DDX17: variants seen among roughly 807,000 people sequenced by gnomAD.
DDX17 encodes probable ATP-dependent RNA helicase DDX17.
In DDX17, 10 loss-of-function variants were observed where a neutral mutation model predicts 80.8. The observed-to-expected ratio is 0.12, with a 90% CI of 0.08 to 0.21. The LOEUF (loss-of-function observed/expected upper bound fraction) is 0.21. DDX17 is among the 10% of genes least tolerant of loss of function. The pLI is 1.00. For missense variants in DDX17, 586 were observed against 957.4 expected (o/e 0.61, Z 5.12); for synonymous variants, 339 against 336.2 (o/e 1.01, Z -0.09).
At chr22:38,486,519 A>G in intron 12 of DDX17, 79 bp from the exon 13 acceptor site, 2 of 1,455,154 alleles carry the variant, frequency 1.4e-6, no homozygotes, top group Middle Eastern at 1.9e-4. Context: ...TACTGGGTAC[A>G]AAAGTATTAA....
intron 3 of DDX17, among the ~76,000 whole-genome samples, 180 bp downstream of exon 3, chr22:38,499,220 A>G (rs899229667): frequency 1.3e-5 from 2 of 152,232 alleles, no homozygotes; most frequent in African/African-American, 4.8e-5. Flanking sequence ...AAAAACCTCA[A>G]AAAAACAAAA....
intron 8 of DDX17, 165 bp from the exon 9 acceptor site, chr22:38,494,296 G>C: frequency 1.6e-6 from 1 of 607,514 alleles, no homozygotes; most frequent in Non-Finnish European, 2.9e-6. Flanking sequence ...ATGTGCTCAA[G>C]AAATACTAAC....
intron 1 of DDX17, among the ~76,000 whole-genome samples, chr22:38,503,130 T>C (rs1008205455): frequency 6.6e-6 from 1 of 152,136 alleles, no homozygotes; most frequent in Admixed American, 6.6e-5. Context: ...GCACATAGCA[T>C]AGGGATACCC....
intron 1 of DDX17, among the ~76,000 whole-genome samples, chr22:38,504,428 G>T (rs2145714563): frequency 6.6e-6 from 1 of 152,224 alleles, no homozygotes; most frequent in South Asian, 2.1e-4. Context: ...ATTTCTCTAG[G>T]CATTACAGTC....
Position 38,484,074 on chromosome 22 carries a change from AAAG to A in DDX17, c.*1858_*1860del, listed in dbSNP as rs775407022. ...TGTGGTGGTACCTCTATGTTTAAAG[AAAG>A]AAGAAAAAAACCCAGAATTTGGTTG... On this transcript the variant is annotated 3_prime_UTR_variant, in exon 13 of 13. Coordinates refer to ENST00000403230, the MANE Select transcript of DDX17 (RefSeq NM_006386.5). 7 of 143,556 alleles carry A rather than the reference AAAG, an allele frequency of 4.9e-5. No homozygotes were observed. The highest frequency in any genetic ancestry group is 2.2e-4 in the East Asian group (1 of 4,600). 8.9% of individuals were successfully genotyped at this position (143,556 alleles called of 1,614,324 possible). A position where few individuals can be genotyped will look rare whatever the true frequency, so the allele number is the denominator to read the frequency against.
rs1479771650 is a variant in DDX17 at position 38,494,974 on chromosome 22, C to T, written c.953G>A (p.Arg318Gln). ...TTCGTCCAATACAAGGTAAGTACAT[C>T]GGCGAAGATTTGTCTTTCCTGACTC... is the stretch of plus-strand genomic sequence containing the variant. The change falls in exon 7 of 13, where the codon CGA becomes CAA. Residue 318 changes from arginine (R) to glutamine (Q), a missense_variant. Arg to Gln is a conservative substitution (Grantham distance 43, BLOSUM62 1). Transcript: ENST00000403230. The T allele has an allele frequency of 1.2e-6, 2 of 1,614,182 alleles. No individual in the cohort carries two copies. The highest frequency in any genetic ancestry group is 1.7e-5 in the Admixed American group (1 of 60,018).
intron 10 of DDX17, among the ~76,000 whole-genome samples, chr22:38,492,397 C>A (rs989152427): frequency 7.2e-5 from 11 of 152,168 alleles, no homozygotes; most frequent in Non-Finnish European, 1.3e-4. Context: ...TGAGACACAA[C>A]CAAAAGTTGG....
At chr22:38,490,258 T>C in intron 11 of DDX17, 1 of 1,248,888 alleles carries the variant, frequency 8.0e-7, no homozygotes, top group Non-Finnish European at 1.0e-6. Context: ...AGTTAATGTT[T>C]TGGCCAGCTG....
intron 11 of DDX17, chr22:38,490,474 A>G (rs1220499510): frequency 7.8e-7 from 1 of 1,284,004 alleles, no homozygotes. Context: ...CAATACTTTT[A>G]GTTTAACAGT....
In DDX17 at chr22:38,499,456, C is replaced by A; in HGVS notation, c.482G>T (p.Arg161Met). ...GGGTTTAGGACAAACATCTCCCCCC[C>A]TCACTGTAATCTCCTTCTTTCGGCG... The change falls in exon 3 of 13, where the codon AGG becomes ATG. Residue 161 changes from arginine (R) to methionine (M), a missense_variant. Arg to Met is a moderately conservative substitution (Grantham distance 91, BLOSUM62 -1). This residue lies in a region of DDX17 where 215 missense variants were observed against 238.4 expected (regional missense o/e 0.90). Coordinates refer to ENST00000403230, the MANE Select transcript of DDX17 (RefSeq NM_006386.5). 6.2e-7 allele frequency: 1 copy of A among 1,614,144 alleles called. No homozygotes were observed. The highest frequency in any genetic ancestry group is 8.5e-7 in the Non-Finnish European group (1 of 1,180,006).
intron 11 of DDX17, chr22:38,490,447 AC>A (rs2089702175): frequency 3.1e-6 from 4 of 1,289,302 alleles, no homozygotes; most frequent in Non-Finnish European, 2.0e-6. Flanking sequence ...CTGTTAAAAA[AC>A]AAAACAAAAT....
chr22:38,487,780 T>C, intron 12 of DDX17, 99 bp downstream of exon 12: 1 of 1,241,840 alleles, frequency 8.1e-7, no homozygotes, highest in Non-Finnish European at 1.2e-6. Context: ...TTAAGCAACA[T>C]ACTTACAGCC....
At position 38,486,104 on chromosome 22, in the gene DDX17, C is replaced by G; in HGVS notation, c.2021G>C (p.Ser674Thr). 1.2e-6 allele frequency: 2 copies of G among 1,614,160 alleles called. No individual in the cohort carries two copies. Among genetic ancestry groups the G allele is most frequent in the Non-Finnish European group, 1.7e-6 (2 of 1,180,032 alleles). ...TATCCCACTAAACTGCTGGCTAGAGCTCTGTGAACTTCTCCCAGTTGAGGT... is the reference window on the plus strand; with the variant it reads ...TATCCCACTAAACTGCTGGCTAGAGGTCTGTGAACTTCTCCCAGTTGAGGT... The change falls in exon 13 of 13, where the codon AGC (serine) becomes ACC (threonine). Residue 674 changes from serine to threonine, a missense_variant. Coordinates refer to ENST00000403230, the MANE Select transcript of DDX17 (RefSeq NM_006386.5).
intron 1 of DDX17, among the ~76,000 whole-genome samples, chr22:38,501,891 A>G (rs991701157): frequency 6.6e-6 from 1 of 152,254 alleles, no homozygotes; most frequent in African/African-American, 2.4e-5. Context: ...TGTGTAACAG[A>G]CATGCAGGCA....
intron 1 of DDX17, among the ~76,000 whole-genome samples, 198 bp from the exon 2 acceptor site, chr22:38,501,478 T>C (rs755303847): frequency 2.0e-5 from 3 of 152,212 alleles, no homozygotes; most frequent in Non-Finnish European, 2.9e-5. Flanking sequence ...ATACTGTTTA[T>C]GAATATAGCT....
chr22:38,502,718 A>G (rs979776587), intron 1 of DDX17, among the ~76,000 whole-genome samples: 8 of 152,184 alleles, frequency 5.3e-5, no homozygotes, highest in Non-Finnish European at 1.2e-4. Flanking sequence ...GATGGCCTTA[A>G]TTTTCCCTAT....
intron 1 of DDX17, among the ~76,000 whole-genome samples, chr22:38,501,576 G>C (rs1299723650): frequency 1.3e-5 from 2 of 152,152 alleles, no homozygotes; most frequent in African/African-American, 2.4e-5. Flanking sequence ...GACATGGTTT[G>C]AGTTTTTATT....
At chr22:38,487,097 G>A (rs2089667273) in intron 12 of DDX17, among the ~76,000 whole-genome samples, 1 of 152,150 alleles carries the variant, frequency 6.6e-6, no homozygotes, top group Non-Finnish European at 1.5e-5. Flanking sequence ...GAACCCAGGA[G>A]GCAGAGGTTG....
In DDX17 at chr22:38,487,755, C is replaced by T. The variant is rs114385392; in HGVS notation, c.1684+124G>A. 4.9e-4 allele frequency: 444 copies of T among 915,176 alleles called. 2 individuals are homozygous for T. In the African/African-American group the frequency reaches 6.7e-3, roughly 14 times the overall value. The allele number at this position is 915,176 out of a possible 1,614,324, so 56.7% of individuals were successfully genotyped here. A position where few individuals can be genotyped will look rare whatever the true frequency, so the allele number is the denominator to read the frequency against. On this transcript the variant is annotated intron_variant, in intron 12 of 12. Coordinates refer to ENST00000403230, the MANE Select transcript of DDX17 (RefSeq NM_006386.5). ...GAAAAAGGTTATAAAAAGCATTAGG[C>T]AGTGTCCTTTGCTATTAAGCAACAT...
Sources: allele counts gnomAD v4.1 joint callset (sites outside exome capture counted in the v4.1 genomes callset), GRCh38; gene constraint gnomAD v4.1.1; regional missense constraint gnomAD v4.1.1; transcripts MANE v1.5; gene names NCBI Gene and HGNC (gene_info 2026-07-23, HGNC 2026-07-21).